PKHD1: variants seen among roughly 807,000 people sequenced by gnomAD.
PKHD1 encodes the protein fibrocystin.
In PKHD1, 291 loss-of-function variants were observed where a neutral mutation model predicts 412.0. That is an observed-to-expected ratio of 0.71 (90% CI 0.64 to 0.78). PKHD1 has a LOEUF of 0.78. Ranked by LOEUF, PKHD1 falls within the 30% of genes least tolerant of loss-of-function variation. The probability of loss-of-function intolerance (pLI) is 0.00; values close to 1 mark genes in which losing one functional copy is unlikely to be tolerated. For synonymous variants in PKHD1, 1,777 were observed against 1,821.5 expected (o/e 0.98, Z 0.62); for missense variants, 4,825 against 4,950.7 (o/e 0.97, Z 0.76).
At chr6:51,972,865 A>G (rs1329629643) in intron 35 of PKHD1, among the ~76,000 whole-genome samples, 7 of 152,230 alleles carry the variant, frequency 4.6e-5, no homozygotes, top group Admixed American at 2.6e-4. Context: ...ATTGAATAAC[A>G]CACCAACTAC....
At chr6:51,841,973 G>A (rs1372681533) in intron 50 of PKHD1, among the ~76,000 whole-genome samples, 1 of 152,220 alleles carries the variant, frequency 6.6e-6, no homozygotes, top group South Asian at 2.1e-4. Flanking sequence ...CAAATTAACA[G>A]CATCTTTTCT....
chr6:51,643,673 T>G (rs1426615223), intron 63 of PKHD1, among the ~76,000 whole-genome samples: 1 of 152,220 alleles, frequency 6.6e-6, no homozygotes, highest in African/African-American at 2.4e-5. Flanking sequence ...TTTTGTTTTT[T>G]GTTTGTTTTA....
Position 52,062,413 on chromosome 6 carries a change from G to A in PKHD1, c.1118+106C>T, listed in dbSNP as rs1808809813. 2.5e-6 allele frequency: 3 copies of A among 1,182,100 alleles called. No individual in the cohort carries two copies. The South Asian group carries it at 3.7e-5, about 14-fold the overall frequency. 73.2% of individuals were successfully genotyped at this position (1,182,100 alleles called of 1,614,324 possible). On this transcript the variant is annotated intron_variant, in intron 14 of 66. Transcript: ENST00000371117. ...CTCTGTTGTTGTTGAATTGGCTAGT[G>A]TTATAAATTCCTGGAAATCTTGATA...
chr6:52,072,207 T>C lies in PKHD1; in HGVS notation c.528-18A>G, dbSNP rs200804428. 9 of 1,512,510 alleles carry C rather than the reference T, an allele frequency of 6.0e-6. No individual in the cohort carries two copies. Among genetic ancestry groups the C allele is most frequent in the Non-Finnish European group, 8.3e-6 (9 of 1,088,874 alleles). The allele number at this position is 1,512,510 out of a possible 1,614,324, so 93.7% of individuals were successfully genotyped here. On this transcript the variant is annotated intron_variant, in intron 7 of 66. Transcript: ENST00000371117. Reference sequence around the variant, plus strand: ...TCACTGGGCTGGATTTAAAAAAAAATGAAAACAAAAGACAAGAGATAATTG... The same window carrying C: ...TCACTGGGCTGGATTTAAAAAAAAACGAAAACAAAAGACAAGAGATAATTG...
chr6:51,752,169 C>G (rs956873963), intron 57 of PKHD1, among the ~76,000 whole-genome samples: 5 of 152,156 alleles, frequency 3.3e-5, no homozygotes, highest in African/African-American at 1.2e-4. Context: ...AAGAATGGTT[C>G]AATTCTTAAA....
In PKHD1 at chr6:52,033,056, A is replaced by C. The variant is rs746070060; in HGVS notation, c.3338T>G (p.Leu1113Arg). ...VSSLNPVIVT[L>R]SRNISNIAGG... ...TGCTATATTGCTTATGTTTCTGCTC[A>C]GAGTCACAATAACTGGATTTAAGGA... Residue 1113 changes from leucine to arginine, a missense_variant, in exon 29 of 67, where the codon CTG (leucine) becomes CGG (arginine). Transcript: ENST00000371117. The C allele has an allele frequency of 1.1e-5, 17 of 1,612,544 alleles. No homozygotes were observed. The highest frequency in any genetic ancestry group is 1.4e-5 in the Non-Finnish European group (17 of 1,178,752).
chr6:52,056,895 G>T lies in PKHD1; in HGVS notation c.1597C>A (p.His533Asn), dbSNP rs1366308806. ...SQPIPANATAHLIQTTIEELL... is the reference protein window; with the variant it reads ...SQPIPANATANLIQTTIEELL... ...TTTTTGAAGAAGTCTCCCACCAGATGGGCTGTGGCATTTGCAGGGATTGGC... is the reference window on the plus strand; with the variant it reads ...TTTTTGAAGAAGTCTCCCACCAGATTGGCTGTGGCATTTGCAGGGATTGGC... The change falls in exon 17 of 67, where the codon CAT (histidine) becomes AAT (asparagine). Residue 533 changes from histidine (H) to asparagine (N), a missense_variant. Physicochemically the swap from His to Asn is moderately conservative, Grantham distance 68 (BLOSUM62 1). Coordinates refer to ENST00000371117, the MANE Select transcript of PKHD1 (RefSeq NM_138694.4). The T allele has an allele frequency of 6.2e-7, 1 of 1,611,968 alleles. No homozygotes were observed. The highest frequency in any genetic ancestry group is 8.5e-7 in the Non-Finnish European group (1 of 1,178,228).
At chr6:51,994,954 T>C (rs1440912004) in intron 35 of PKHD1, among the ~76,000 whole-genome samples, 4 of 152,078 alleles carry the variant, frequency 2.6e-5, no homozygotes, top group African/African-American at 9.7e-5. Flanking sequence ...AGGACTTAGA[T>C]CAGCCAATCT....
intron 31 of PKHD1, 59 bp downstream of exon 31, chr6:52,027,770 G>T: frequency 2.4e-6 from 3 of 1,263,830 alleles, no homozygotes; most frequent in South Asian, 1.2e-5. Flanking sequence ...AACAAAATCT[G>T]AATATCCAGC....
rs1271610315 is a variant in PKHD1 at position 52,025,297 on chromosome 6, T to C, written c.4513A>G (p.Arg1505Gly). Reference protein sequence around the residue: ...TSGSLTTVLIRGQRLATTADE... With the variant: ...TSGSLTTVLIGGQRLATTADE... Reference sequence around the variant, plus strand: ...GCTGTGGTGGCTAACCTCTGACCCCTAATCAGCACAGTGGTCAGAGACCCA... The same window carrying C: ...GCTGTGGTGGCTAACCTCTGACCCCCAATCAGCACAGTGGTCAGAGACCCA... Residue 1505 changes from arginine to glycine, a missense_variant, in exon 32 of 67, where the codon AGG (arginine) becomes GGG (glycine). By Grantham distance (125) the Arg-to-Gly change is moderately radical. Transcript: ENST00000371117. 1 of 1,613,956 alleles carries C rather than the reference T, an allele frequency of 6.2e-7. No individual in the cohort carries two copies. Among genetic ancestry groups the C allele is most frequent in the African/African-American group, 1.3e-5 (1 of 74,928 alleles).
intron 18 of PKHD1, 81 bp downstream of exon 18, chr6:52,056,617 G>T: frequency 1.9e-6 from 2 of 1,066,676 alleles, no homozygotes; most frequent in Non-Finnish European, 2.9e-6. Flanking sequence ...CCTTGGAGAG[G>T]AAATGGGGAT....
At chr6:51,832,254 G>A (rs1023669124) in intron 51 of PKHD1, among the ~76,000 whole-genome samples, 9 of 152,034 alleles carry the variant, frequency 5.9e-5, no homozygotes, top group Non-Finnish European at 1.2e-4. Context: ...GAAGCTTCCC[G>A]AGGGAAGTAG....
chr6:51,626,869 G>T, intron 66 of PKHD1, 128 bp downstream of exon 66: 1 of 928,776 alleles, frequency 1.1e-6, no homozygotes, highest in Non-Finnish European at 1.8e-6. Flanking sequence ...TTCTTTGAAG[G>T]AAAGTAACAA....
rs769264916 is a variant in PKHD1, at chr6:52,017,648, A to G, written c.5381-19T>C. On this transcript the variant is annotated intron_variant, in intron 33 of 66. Transcript: ENST00000371117. ...AAGGACACTGCAGGAAACAGTCACCATTAGGAAAGAACCACAGAGAGAACC... is the reference window on the plus strand; with the variant it reads ...AAGGACACTGCAGGAAACAGTCACCGTTAGGAAAGAACCACAGAGAGAACC... 3 of 1,594,278 alleles carry G rather than the reference A, an allele frequency of 1.9e-6. No homozygotes were observed. The highest frequency in any genetic ancestry group is 2.6e-6 in the Non-Finnish European group (3 of 1,163,142).
At chr6:51,767,640 A>T (rs1445275650) in intron 55 of PKHD1, among the ~76,000 whole-genome samples, 1 of 152,188 alleles carries the variant, frequency 6.6e-6, no homozygotes, top group Non-Finnish European at 1.5e-5. Context: ...TACAAAGGAC[A>T]TGAACTCATC....
At chr6:51,929,512 T>C (rs1047127497) in intron 37 of PKHD1, among the ~76,000 whole-genome samples, 9 of 126,954 alleles carry the variant, frequency 7.1e-5, no homozygotes, top group Non-Finnish European at 1.3e-4. Flanking sequence ...CAGGAAACAT[T>C]TGGATTTTGT....
rs182368393 is a variant in PKHD1 at position 51,838,331 on chromosome 6, T to G, written c.8108-1862A>C. ...TCATTTTCATGGGCCAATTTAGAAA[T>G]CCTAGGTTTAATCTTGTATCTGTAG... On this transcript the variant is annotated intron_variant, in intron 50 of 66. Transcript: ENST00000371117. Among the ~76,000 whole-genome samples, 54 of 152,244 alleles carry G rather than the reference T, an allele frequency of 3.5e-4. 1 individual carries two copies. In the East Asian group the frequency reaches 7.5e-3, roughly 21 times the overall value.
intron 52 of PKHD1, among the ~76,000 whole-genome samples, chr6:51,792,974 C>G (rs1793998170): frequency 6.6e-6 from 1 of 152,186 alleles, no homozygotes; most frequent in South Asian, 2.1e-4. Flanking sequence ...TTATGACTTC[C>G]TCTCCCACTC....
chr6:51,699,522 T>C (rs1158411054), intron 60 of PKHD1, among the ~76,000 whole-genome samples: 1 of 152,218 alleles, frequency 6.6e-6, no homozygotes, highest in Non-Finnish European at 1.5e-5. Flanking sequence ...GAAGCTACTA[T>C]GAATGTTCAT....
Sources: gnomAD v4.1 joint callset for allele counts (sites outside exome capture counted in the v4.1 genomes callset) on GRCh38, gnomAD v4.1.1 for gene constraint, MANE v1.5 for transcripts, NCBI Gene and HGNC (gene_info 2026-07-23, HGNC 2026-07-21) for gene names.